Variants in MRPS7 observed in about 807,000 individuals in gnomAD.
MRPS7 encodes the protein mitochondrial ribosomal protein S7, also known as small ribosomal subunit protein uS7m.
MRPS7 carries 13 observed loss-of-function variants against 26.2 expected under a neutral mutation model. The observed-to-expected ratio is 0.50, with a 90% CI of 0.32 to 0.79. MRPS7 has a LOEUF of 0.79. Ranked by LOEUF, MRPS7 falls within the 30% of genes least tolerant of loss-of-function variation. The pLI, the probability that MRPS7 is intolerant of heterozygous loss-of-function variation, is 0.03. For missense variants in MRPS7, 318 were observed against 312.2 expected (o/e 1.02, Z -0.14); for synonymous variants, 129 against 113.3 (o/e 1.14, Z -0.88).
At position 75,262,827 on chromosome 17, in the gene MRPS7, T is replaced by C; in HGVS notation, c.299T>C (p.Ile100Thr). 1 of 1,614,174 alleles carries C rather than the reference T, an allele frequency of 6.2e-7. No homozygotes were observed. The highest frequency in any genetic ancestry group is 8.5e-7 in the Non-Finnish European group (1 of 1,180,020). The change falls in exon 3 of 5, where the codon ATA (isoleucine) becomes ACA (threonine). Residue 100 changes from isoleucine to threonine, a missense_variant. Transcript: ENST00000245539. The part of the protein sequence containing the change: ...VISKFTNMMM[I>T]GGNKVLARSL... Reference sequence around the variant, plus strand: ...AGTAAATTCACCAACATGATGATGATAGGAGGAAACAAAGTACTGGCCAGA... The same window carrying C: ...AGTAAATTCACCAACATGATGATGACAGGAGGAAACAAAGTACTGGCCAGA...
At chr17:75,262,983 T>C in intron 3 of MRPS7, 116 bp downstream of exon 3, 4 of 1,040,958 alleles carry the variant, frequency 3.8e-6, no homozygotes, top group Non-Finnish European at 5.7e-6. Flanking sequence ...TTATTCAGAT[T>C]AACTTCCCTG....
Position 75,263,755 on chromosome 17 carries a change from T to C in MRPS7, c.507+248T>C, listed in dbSNP as rs146987644. 1,329 of 483,258 alleles carry C rather than the reference T, an allele frequency of 2.8e-3. 14 individuals carry two copies. Among genetic ancestry groups the C allele is most frequent in the African/African-American group, 0.024 (1,227 of 51,046 alleles). 29.9% of individuals were successfully genotyped at this position (483,258 alleles called of 1,614,324 possible). ...AATTAGCCAGGTGTGGTGGTGTGCA[T>C]CTGTGCTCCCAACTACTCAGGAGGC... On this transcript the variant is annotated intron_variant, in intron 4 of 4. Transcript: ENST00000245539.
At chr17:75,262,923 G>A in intron 3 of MRPS7, 56 bp downstream of exon 3, 1 of 1,525,114 alleles carries the variant, frequency 6.6e-7, no homozygotes, top group South Asian at 1.1e-5. Context: ...CCGTAGCCTT[G>A]TACTTGGTAC....
intron 4 of MRPS7, among the ~76,000 whole-genome samples, chr17:75,264,673 C>G (rs896680083): frequency 4.4e-5 from 6 of 135,226 alleles, no homozygotes; most frequent in African/African-American, 1.6e-4. Context: ...TTGTTTTTAA[C>G]TTTTTTTTTT....
At chr17:75,263,532 A>C (rs1169815533) in intron 4 of MRPS7, 25 bp downstream of exon 4, 1 of 1,613,496 alleles carries the variant, frequency 6.2e-7, no homozygotes. Context: ...AGGGCAAGAA[A>C]GCAGGGCCCT....
At chr17:75,265,413 G>A (rs1034963632) in intron 4 of MRPS7, among the ~76,000 whole-genome samples, 21 of 151,438 alleles carry the variant, frequency 1.4e-4, no homozygotes, top group Non-Finnish European at 2.8e-4. Context: ...GGGCTCAAGC[G>A]ATCCTCCTGC....
rs745826565 is a variant in MRPS7, at chr17:75,261,893, C to A, written c.-8C>A. ...GCAGTCCTTGTGGGGTCCTCGTGGC[C>A]AGCCAAGATGGCTGCCCCCGCAGTG... On this transcript the variant is annotated 5_prime_UTR_variant, in exon 1 of 5. Transcript: ENST00000245539. 1 of 1,607,728 alleles carries A rather than the reference C, an allele frequency of 6.2e-7. No homozygotes were observed. Among genetic ancestry groups the A allele is most frequent in the Non-Finnish European group, 8.5e-7 (1 of 1,179,536 alleles).
chr17:75,262,506 G>A lies in MRPS7; in HGVS notation c.93G>A (p.Gln31=). 2 of 1,614,004 alleles carry A rather than the reference G, an allele frequency of 1.2e-6. No individual in the cohort carries two copies. Among genetic ancestry groups the A allele is most frequent in the African/African-American group, 2.7e-5 (2 of 75,038 alleles). Residue 31 remains glutamine (Q), a synonymous_variant, in exon 2 of 5, where the codon CAG becomes CAA. Coordinates refer to ENST00000245539, the MANE Select transcript of MRPS7 (RefSeq NM_015971.4). ...RAVLQLPGLT[Q]VRWSRYSPEF... ...TTTCCCCCCCTCCCAGGCTAACTCAGGTGAGATGGAGCCGCTATAGTCCTG... is the reference window on the plus strand; with the variant it reads ...TTTCCCCCCCTCCCAGGCTAACTCAAGTGAGATGGAGCCGCTATAGTCCTG...
chr17:75,262,807 A>G lies in MRPS7; in HGVS notation c.279A>G (p.Lys93=). Reference sequence around the variant, plus strand: ...CGTGTTGCTTTTCTCTTTGAAGTAAATTCACCAACATGATGATGATAGGAG... The same window carrying G: ...CGTGTTGCTTTTCTCTTTGAAGTAAGTTCACCAACATGATGATGATAGGAG... The part of the protein sequence containing the change: ...SSVFEDPVIS[K]FTNMMMIGGN... The change falls in exon 3 of 5, where the codon AAA becomes AAG. Residue 93 remains lysine, a synonymous_variant. Coordinates refer to ENST00000245539, the MANE Select transcript of MRPS7 (RefSeq NM_015971.4). The G allele has an allele frequency of 2.5e-6, 4 of 1,614,176 alleles. No individual in the cohort carries two copies. Among genetic ancestry groups the G allele is most frequent in the Non-Finnish European group, 1.7e-6 (2 of 1,180,012 alleles).
At chr17:75,263,609 C>T in intron 4 of MRPS7, 102 bp downstream of exon 4, 1 of 1,451,434 alleles carries the variant, frequency 6.9e-7, no homozygotes. Context: ...CTAGCTGGTG[C>T]AGTGGGATTG....
chr17:75,262,092 T>G, intron 1 of MRPS7, 109 bp downstream of exon 1: 1 of 1,315,442 alleles, frequency 7.6e-7, no homozygotes, highest in South Asian at 1.2e-5. Flanking sequence ...CCGGAGTATC[T>G]GGATTCAAGC....
In MRPS7 at chr17:75,266,069, C is replaced by T; in HGVS notation, c.*146C>T. The T allele has an allele frequency of 2.9e-6, 2 of 682,424 alleles. No individual in the cohort carries two copies. Among genetic ancestry groups the T allele is most frequent in the Non-Finnish European group, 4.9e-6 (2 of 406,230 alleles). 42.3% of individuals were successfully genotyped at this position (682,424 alleles called of 1,614,324 possible). On this transcript the variant is annotated 3_prime_UTR_variant, in exon 5 of 5. Coordinates refer to ENST00000245539, the MANE Select transcript of MRPS7 (RefSeq NM_015971.4). Reference sequence around the variant, plus strand: ...AAAGATGTAGCAGCATATTCACTATCCGTTAATCCTTCTTTCTTTGAGGCT... The same window carrying T: ...AAAGATGTAGCAGCATATTCACTATTCGTTAATCCTTCTTTCTTTGAGGCT...
chr17:75,263,164 C>T, intron 3 of MRPS7, 176 bp from the exon 4 acceptor site: 1 of 701,242 alleles, frequency 1.4e-6, no homozygotes, highest in African/African-American at 1.8e-5. Context: ...TCCACTCTTT[C>T]TGTCCTAGTC....
chr17:75,265,733 G>A lies in MRPS7; in HGVS notation c.539G>A (p.Arg180His), dbSNP rs750690518. The change falls in exon 5 of 5, where the codon CGC (arginine) becomes CAC (histidine). Residue 180 changes from arginine to histidine, a missense_variant. Coordinates refer to ENST00000245539, the MANE Select transcript of MRPS7 (RefSeq NM_015971.4). ...GTACCCCTACCCGACCGGCGTCGCC[G>A]CTTCCTAGCCATGAAGTGGATGATC... ...VPVPLPDRRRRFLAMKWMITE... is the reference protein window; with the variant it reads ...VPVPLPDRRRHFLAMKWMITE... 3.7e-6 allele frequency: 6 copies of A among 1,614,058 alleles called. No individual in the cohort carries two copies. In the Admixed American group the frequency reaches 6.7e-5, roughly 18 times the overall value.
chr17:75,263,586 G>T (rs577895655), intron 4 of MRPS7, 79 bp downstream of exon 4: 5 of 1,560,188 alleles, frequency 3.2e-6, no homozygotes, highest in Admixed American at 3.4e-5. Flanking sequence ...GTTGGGTCAA[G>T]ATTGATAGCT....
In MRPS7 at chr17:75,263,340, ACT is replaced by A. The variant is rs2077438543; in HGVS notation, c.343_344del (p.Leu115GlyfsTer9). On this transcript the variant is annotated frameshift_variant and splice_region_variant, in exon 4 of 5. Transcript: ENST00000245539. LOFTEE classifies it high-confidence loss of function. ...KVLARSLMIQ[T>X]LEAVKRKQFE... Reference sequence around the variant, plus strand: ...CCTCTTCCACCATATTCTTTTGCAGACTCTGGAAGCTGTGAAAAGGAAGCAGT... The same window carrying A: ...CCTCTTCCACCATATTCTTTTGCAGACTGGAAGCTGTGAAAAGGAAGCAGT... 1 of 1,613,842 alleles carries A rather than the reference ACT, an allele frequency of 6.2e-7. No homozygotes were observed. The highest frequency in any genetic ancestry group is 2.2e-5 in the East Asian group (1 of 44,882).
chr17:75,263,330 T>G lies in MRPS7; in HGVS notation c.340-10T>G, dbSNP rs1250254488. 1.9e-6 allele frequency: 3 copies of G among 1,613,978 alleles called. No individual in the cohort carries two copies. In the East Asian group the frequency reaches 6.7e-5, roughly 36 times the overall value. On this transcript the variant is annotated splice_polypyrimidine_tract_variant and intron_variant, in intron 3 of 4. Coordinates refer to ENST00000245539, the MANE Select transcript of MRPS7 (RefSeq NM_015971.4). ...CCTGGGGCAGCCTCTTCCACCATAT[T>G]CTTTTGCAGACTCTGGAAGCTGTGA... is the stretch of plus-strand genomic sequence containing the variant.
chr17:75,261,910 C>T lies in MRPS7; in HGVS notation c.10C>T (p.Pro4Ser), dbSNP rs773321093. Residue 4 changes from proline (P) to serine (S), a missense_variant, in exon 1 of 5, where the codon CCC (proline) becomes TCC (serine). By Grantham distance (74) the Pro-to-Ser change is moderately conservative. Coordinates refer to ENST00000245539, the MANE Select transcript of MRPS7 (RefSeq NM_015971.4). MAA[P>S]AVKVARGWSG... The stretch of plus-strand genomic sequence containing the variant: ...CTCGTGGCCAGCCAAGATGGCTGCC[C>T]CCGCAGTGAAGGTTGCCCGAGGATG... 15 of 1,608,864 alleles carry T rather than the reference C, an allele frequency of 9.3e-6. No homozygotes were observed. In the East Asian group the frequency reaches 2.9e-4, roughly 31 times the overall value.
At chr17:75,265,055 T>C (rs992587233) in intron 4 of MRPS7, among the ~76,000 whole-genome samples, 1 of 152,096 alleles carries the variant, frequency 6.6e-6, no homozygotes, top group Admixed American at 6.6e-5. Context: ...TTTTTCTTTT[T>C]TTTTGAGACG....
Sources: gnomAD v4.1 joint callset for allele counts (sites outside exome capture counted in the v4.1 genomes callset) on GRCh38, gnomAD v4.1.1 for gene constraint, MANE v1.5 for transcripts, NCBI Gene and HGNC (gene_info 2026-07-23, HGNC 2026-07-21) for gene names.